Variants in ALK observed in about 807,000 individuals in gnomAD.
ALK encodes the protein ALK receptor tyrosine kinase.
In ALK, 74 loss-of-function variants were observed where a neutral mutation model predicts 163.1. That is an observed-to-expected ratio of 0.45 (90% CI 0.38 to 0.55). The LOEUF (loss-of-function observed/expected upper bound fraction) is 0.55, where lower values mean the gene tolerates loss of function less well. ALK is among the 20% of genes least tolerant of loss of function. The pLI, the probability that ALK is intolerant of heterozygous loss-of-function variation, is 0.00. For missense variants in ALK, 2,063 were observed against 2,105.3 expected (o/e 0.98, Z 0.39); for synonymous variants, 960 against 843.2 (o/e 1.14, Z -2.40).
intron 4 of ALK, among the ~76,000 whole-genome samples, chr2:29,471,670 C>T (rs530709805): frequency 6.5e-4 from 99 of 152,184 alleles, no homozygotes; most frequent in African/African-American, 1.8e-3. Context: ...GCAATATTTC[C>T]GTTCCCACAT....
chr2:29,747,552 G>C (rs1680237470), intron 1 of ALK, among the ~76,000 whole-genome samples: 1 of 152,114 alleles, frequency 6.6e-6, no homozygotes, highest in Non-Finnish European at 1.5e-5. Flanking sequence ...CCCCATCCTG[G>C]GAGACAGGTA....
At chr2:29,260,429 G>T in intron 11 of ALK, among the ~76,000 whole-genome samples, 1 of 152,066 alleles carries the variant, frequency 6.6e-6, no homozygotes, top group East Asian at 1.9e-4. Flanking sequence ...TGATCTTGAT[G>T]CTCTTCTGTT....
intron 3 of ALK, among the ~76,000 whole-genome samples, chr2:29,689,685 C>A (rs1040999684): frequency 6.6e-6 from 1 of 152,176 alleles, no homozygotes; most frequent in Non-Finnish European, 1.5e-5. Context: ...CAAATCCTAA[C>A]CCCTGTGTAC....
intron 4 of ALK, among the ~76,000 whole-genome samples, chr2:29,399,472 C>T (rs1051476512): frequency 2.0e-5 from 3 of 152,192 alleles, no homozygotes; most frequent in African/African-American, 4.8e-5. Context: ...CGAGGGTGCC[C>T]GTGTCTCCTT....
At chr2:29,552,667 T>G (rs1673746008) in intron 3 of ALK, among the ~76,000 whole-genome samples, 2 of 152,238 alleles carry the variant, frequency 1.3e-5, no homozygotes, top group Non-Finnish European at 2.9e-5. Flanking sequence ...GAGAAATGTC[T>G]ACTCAAGTCC....
chr2:29,496,801 C>T (rs758675669), intron 4 of ALK, among the ~76,000 whole-genome samples: 8 of 152,350 alleles, frequency 5.3e-5, no homozygotes, highest in Non-Finnish European at 7.4e-5. Flanking sequence ...ATGCAACTTA[C>T]ACCATGTGCC....
At chr2:29,317,499 T>G (rs543533714) in intron 8 of ALK, among the ~76,000 whole-genome samples, 1 of 152,354 alleles carries the variant, frequency 6.6e-6, no homozygotes, top group East Asian at 1.9e-4. Flanking sequence ...CCAGGCACCC[T>G]GTGGGCTAAA....
chr2:29,557,386 C>T (rs374136504), intron 3 of ALK, among the ~76,000 whole-genome samples: 23 of 152,282 alleles, frequency 1.5e-4, no homozygotes, highest in African/African-American at 4.3e-4. Context: ...TCTTAGAGAA[C>T]GATTTCTGAA....
chr2:29,217,834 A>G (rs918595400), intron 23 of ALK, among the ~76,000 whole-genome samples: 6 of 152,038 alleles, frequency 3.9e-5, no homozygotes, highest in African/African-American at 1.4e-4. Flanking sequence ...CTGAAGTCCA[A>G]GTTTCAGAAT....
intron 1 of ALK, among the ~76,000 whole-genome samples, chr2:29,818,703 C>T (rs1488131902): frequency 2.6e-5 from 4 of 152,246 alleles, no homozygotes; most frequent in African/African-American, 9.6e-5. Flanking sequence ...GCTGGCACAG[C>T]GTGAGGCGGC....
intron 11 of ALK, among the ~76,000 whole-genome samples, chr2:29,263,554 ATCCAAATT>A (rs1225117840): frequency 1.3e-5 from 2 of 152,176 alleles, no homozygotes; most frequent in African/African-American, 2.4e-5. Context: ...AAGATATGAG[ATCCAAATT>A]TCAGGGGCAG....
intron 3 of ALK, among the ~76,000 whole-genome samples, chr2:29,659,032 T>C (rs1324826500): frequency 6.6e-6 from 1 of 152,112 alleles, no homozygotes; most frequent in Non-Finnish European, 1.5e-5. Context: ...GCTTTCAGAA[T>C]TGTCCTCCCT....
chr2:29,807,235 G>A (rs1028895042), intron 1 of ALK, among the ~76,000 whole-genome samples: 8 of 152,200 alleles, frequency 5.3e-5, no homozygotes, highest in Admixed American at 4.6e-4. Context: ...CTACAACAGT[G>A]ACATAATAAG....
At chr2:29,222,631 G>GAGAC (rs1207196190) in intron 20 of ALK, 24 bp from the exon 21 acceptor site, 4 of 1,608,016 alleles carry the variant, frequency 2.5e-6, no homozygotes, top group East Asian at 2.2e-5. Context: ...AAGACAAGAG[G>GAGAC]AGACAGAGTC....
At chr2:29,261,580 G>T (rs1481970649) in intron 11 of ALK, among the ~76,000 whole-genome samples, 6 of 152,050 alleles carry the variant, frequency 3.9e-5, no homozygotes, top group Admixed American at 3.3e-4. Flanking sequence ...TCACCTCAGG[G>T]ACATCTCCAA....
intron 1 of ALK, among the ~76,000 whole-genome samples, chr2:29,814,611 G>T (rs1182009632): frequency 1.3e-5 from 2 of 151,256 alleles, no homozygotes; most frequent in Non-Finnish European, 2.9e-5. Flanking sequence ...AGTGAGCCAA[G>T]ATCGCACCAC....
chr2:29,831,066 GA>G, intron 1 of ALK, among the ~76,000 whole-genome samples: 1 of 38,810 alleles, frequency 2.6e-5, no homozygotes, highest in Non-Finnish European at 5.3e-5. Flanking sequence ...GGAAGGGGAG[GA>G]AGGGGAGGAG....
intron 1 of ALK, among the ~76,000 whole-genome samples, chr2:29,901,344 A>G (rs1248614925): frequency 6.6e-6 from 1 of 152,150 alleles, no homozygotes; most frequent in Non-Finnish European, 1.5e-5. Context: ...GTCATGTCTG[A>G]TATTCTCTCT....
intron 1 of ALK, among the ~76,000 whole-genome samples, chr2:29,825,089 C>A (rs1462466446): frequency 6.6e-6 from 1 of 152,188 alleles, no homozygotes; most frequent in Non-Finnish European, 1.5e-5. Context: ...TGCACAAGTT[C>A]TCTTTCTTTG....
Sources: allele counts gnomAD v4.1 joint callset (sites outside exome capture counted in the v4.1 genomes callset), GRCh38; gene constraint gnomAD v4.1.1; transcripts MANE v1.5; gene names NCBI Gene and HGNC (gene_info 2026-07-23, HGNC 2026-07-21).